The following ZFHX3 variants were observed in gnomAD, a reference collection of about 807,000 sequenced individuals.
ZFHX3 encodes the protein zinc finger homeobox 3.
ZFHX3 carries 42 observed loss-of-function variants against 279.1 expected under a neutral mutation model. That is an observed-to-expected ratio of 0.15 (90% CI 0.12 to 0.19). The LOEUF is 0.19. Among genes scored for constraint, ZFHX3 ranks in the 10% least tolerant of loss-of-function variants. The pLI, the probability that ZFHX3 is intolerant of heterozygous loss-of-function variation, is 1.00. For synonymous variants in ZFHX3, 2,293 were observed against 1,957.8 expected (o/e 1.17, Z -4.52); for missense variants, 4,981 against 4,754.0 (o/e 1.05, Z -1.40).
At chr16:72,915,559 G>C (rs1325551337) in intron 3 of ZFHX3, among the ~76,000 whole-genome samples, 1 of 152,132 alleles carries the variant, frequency 6.6e-6, no homozygotes, top group South Asian at 2.1e-4. Context: ...AGGAAGTCGA[G>C]ACCAGCCTGG....
chr16:73,597,869 A>G (rs2052067922), intron 2 of ZFHX3, among the ~76,000 whole-genome samples: 1 of 152,246 alleles, frequency 6.6e-6, no homozygotes. Flanking sequence ...CTGGGCACCC[A>G]CTGGAGTTCA....
In ZFHX3 at chr16:72,798,131, C is replaced by T. The variant is rs745760807; in HGVS notation, c.4551G>A (p.Ser1517=). Residue 1517 remains serine, a synonymous_variant, in exon 9 of 10, where the codon TCG becomes TCA. Transcript: ENST00000268489. The stretch of plus-strand genomic sequence containing the variant: ...GCAGAGCTCTCTTTGGCTCTGAGCC[C>T]GAGTCTTCTTGTACTGACCCAGAGT... ...GSDSGSVQED[S]GSEPKRALPF... is the part of the protein sequence containing the mutation. 1.9e-5 allele frequency: 31 copies of T among 1,614,006 alleles called. No homozygotes were observed. Among genetic ancestry groups the T allele is most frequent in the Middle Eastern group, 1.6e-4 (1 of 6,082 alleles).
rs140219846 is a variant in ZFHX3, at chr16:73,120,649, C to CTTTTTTTTTTTTT, written c.-897+10318_-897+10319insAAAAAAAAAAAAA. ...TTGTTTTTCTGCCCTATCCTCTCTA[C>CTTTTTTTTTTTTT]CTTTTTTTTTTTTTTTTTTTTTTGA... is the stretch of plus-strand genomic sequence containing the variant. On this transcript the variant is annotated intron_variant, in intron 7 of 17. Coordinates refer to the ZFHX3 transcript ENST00000641206. Among the ~76,000 whole-genome samples the CTTTTTTTTTTTTT allele has an allele frequency of 1.9e-5, 2 of 106,202 alleles. 1 individual carries two copies. The allele number at this position is 106,202 out of a possible 152,430, so 69.7% of individuals were successfully genotyped here.
At chr16:73,034,116 T>C (rs548819523) in intron 1 of ZFHX3, among the ~76,000 whole-genome samples, 11 of 149,174 alleles carry the variant, frequency 7.4e-5, no homozygotes, top group African/African-American at 2.0e-4. Flanking sequence ...AAAAAAAAAG[T>C]CTAGGATGGG....
At chr16:73,210,103 A>C (rs2011958088) in intron 5 of ZFHX3, among the ~76,000 whole-genome samples, 1 of 152,374 alleles carries the variant, frequency 6.6e-6, no homozygotes, top group African/African-American at 2.4e-5. Context: ...CTATGTTTGC[A>C]TGCTGAAGTT....
intron 1 of ZFHX3, among the ~76,000 whole-genome samples, chr16:73,012,566 G>A (rs1469797186): frequency 6.6e-6 from 1 of 152,122 alleles, no homozygotes; most frequent in Non-Finnish European, 1.5e-5. Context: ...CACTACAGCA[G>A]CAACCGGCCT....
chr16:73,005,053 G>A (rs1341530439), intron 1 of ZFHX3, among the ~76,000 whole-genome samples: 1 of 152,170 alleles, frequency 6.6e-6, no homozygotes, highest in African/African-American at 2.4e-5. Context: ...TGGTTTTGCT[G>A]TCAGTTACAT....
chr16:73,457,602 GTC>G (rs2018395886), intron 2 of ZFHX3, among the ~76,000 whole-genome samples: 2 of 152,046 alleles, frequency 1.3e-5, no homozygotes. Context: ...GTGAAACTCT[GTC>G]TCTACTAAAA....
chr16:73,474,558 G>A (rs891408997), intron 2 of ZFHX3, among the ~76,000 whole-genome samples: 7 of 152,174 alleles, frequency 4.6e-5, no homozygotes, highest in Middle Eastern at 6.4e-3. Context: ...GGAAGCAGTG[G>A]TGGGGGTGGC....
At chr16:72,850,602 A>C (rs948595279) in intron 4 of ZFHX3, among the ~76,000 whole-genome samples, 3 of 152,114 alleles carry the variant, frequency 2.0e-5, no homozygotes, top group African/African-American at 7.2e-5. Context: ...GAGCTGGACT[A>C]CTGATGACCA....
intron 1 of ZFHX3, among the ~76,000 whole-genome samples, chr16:73,009,416 G>A (rs534270397): frequency 5.9e-5 from 9 of 151,562 alleles, no homozygotes; most frequent in Non-Finnish European, 8.8e-5. Flanking sequence ...ACACCACCAA[G>A]TTATGTACTC....
At chr16:72,851,021 C>T (rs1184160556) in intron 4 of ZFHX3, among the ~76,000 whole-genome samples, 1 of 152,066 alleles carries the variant, frequency 6.6e-6, no homozygotes, top group Non-Finnish European at 1.5e-5. Flanking sequence ...TAATTCTCAG[C>T]GTCTGAAAGC....
At chr16:73,735,096 A>T (rs1180150499) in intron 1 of ZFHX3, among the ~76,000 whole-genome samples, 3 of 152,216 alleles carry the variant, frequency 2.0e-5, no homozygotes, top group Non-Finnish European at 4.4e-5. Context: ...TTAGGTATAC[A>T]GTTCAGAAGC....
chr16:73,174,444 C>G (rs142739171), intron 5 of ZFHX3, among the ~76,000 whole-genome samples: 2 of 152,304 alleles, frequency 1.3e-5, no homozygotes, highest in Non-Finnish European at 2.9e-5. Context: ...GCGACTCTCT[C>G]TCTTCCCTGT....
At chr16:73,443,264 GA>G (rs1567485702) in intron 3 of ZFHX3, among the ~76,000 whole-genome samples, 1 of 152,232 alleles carries the variant, frequency 6.6e-6, no homozygotes, top group Non-Finnish European at 1.5e-5. Context: ...TACTTGTAAA[GA>G]TTTGAAGAGC....
intron 4 of ZFHX3, among the ~76,000 whole-genome samples, chr16:73,290,378 G>A (rs2014737942): frequency 6.6e-6 from 1 of 152,192 alleles, no homozygotes; most frequent in South Asian, 2.1e-4. Context: ...TGGAAAAGAT[G>A]AGTTGGCATG....
In ZFHX3 at chr16:72,788,692, G is replaced by A. The variant is rs146849013; in HGVS notation, c.9584C>T (p.Pro3195Leu). ...CTGCTGCTGCTGCTGCTGCTGGGGG[G>A]GTTGCTGAGGGCCCATCGCCATCGT... ...QATMAMGPQQPPQQQQQQQQP... is the reference protein window; with the variant it reads ...QATMAMGPQQLPQQQQQQQQP... The change falls in exon 10 of 10, where the codon CCC becomes CTC. Residue 3195 changes from proline to leucine, a missense_variant. Around this residue, in one of 7 missense-constraint regions of ZFHX3, gnomAD observed 1,034 missense variants for 786.0 expected, o/e 1.32. Transcript: ENST00000268489. 3.3e-5 allele frequency: 53 copies of A among 1,612,826 alleles called. No homozygotes were observed. The African/African-American group carries it at 4.3e-4, about 13-fold the overall frequency.
intron 4 of ZFHX3, among the ~76,000 whole-genome samples, chr16:72,888,440 G>C (rs958479705): frequency 5.3e-5 from 8 of 152,202 alleles, no homozygotes; most frequent in African/African-American, 1.9e-4. Context: ...CAGCATCTGG[G>C]AGGTGGGACC....
Position 73,044,437 on chromosome 16 carries a change from T to C in ZFHX3, c.-50+3315A>G, listed in dbSNP as rs1743050758. Among the ~76,000 whole-genome samples the C allele has an allele frequency of 2.0e-5, 3 of 152,348 alleles. No individual in the cohort carries two copies. In the South Asian group the frequency reaches 6.2e-4, roughly 32 times the overall value. ...TGAAAGCATAAACCACAGCACATAC[T>C]GTACTTCTTCAGGTTACTGACAGGC... On this transcript the variant is annotated intron_variant, in intron 1 of 9. Coordinates refer to ENST00000268489, the MANE Select transcript of ZFHX3 (RefSeq NM_006885.4).
Sources: allele counts gnomAD v4.1 joint callset (sites outside exome capture counted in the v4.1 genomes callset), GRCh38; gene constraint gnomAD v4.1.1; regional missense constraint gnomAD v4.1.1; transcripts MANE v1.5; gene names NCBI Gene and HGNC (gene_info 2026-07-23, HGNC 2026-07-21).